Variants in ZNF346 observed in about 807,000 individuals in gnomAD.
ZNF346 encodes zinc finger protein 346, also known as double-stranded RNA-binding zinc finger protein JAZ.
Under a neutral mutation model 33.7 loss-of-function variants are expected in ZNF346, and 23 were observed. That is an observed-to-expected ratio of 0.68 (90% CI 0.49 to 0.97). The LOEUF (loss-of-function observed/expected upper bound fraction) is 0.97, where lower values mean the gene tolerates loss of function less well. Ranked by LOEUF, ZNF346 falls within the 50% of genes least tolerant of loss-of-function variation. The probability of loss-of-function intolerance (pLI) is 0.00; values close to 1 mark genes in which losing one functional copy is unlikely to be tolerated. For missense variants in ZNF346, 340 were observed against 371.1 expected, an observed-to-expected ratio of 0.92 and a Z score of 0.69; for synonymous variants, 134 against 142.4, an observed-to-expected ratio of 0.94 and a Z score of 0.42.
downstream of ZNF346, among the ~76,000 whole-genome samples, chr5:177,070,518 A>G (rs571175457): frequency 6.6e-6 from 1 of 152,300 alleles, no homozygotes; most frequent in African/African-American, 2.4e-5. Flanking sequence ...GCTAAGGTTC[A>G]GATCCCAGCT....
rs1486915539 is a variant in ZNF346, at chr5:177,022,731, C to T, written c.-8C>T. On this transcript the variant is annotated 5_prime_UTR_variant, in exon 1 of 7. Transcript: ENST00000358149. ...GAGGCTCTCTACCGGTGAGGGTTTG[C>T]GGGGAAGATGGAGTATCCCGCGCCG... 3 of 1,546,610 alleles carry T rather than the reference C, an allele frequency of 1.9e-6. No individual in the cohort carries two copies. The highest frequency in any genetic ancestry group is 1.7e-6 in the Non-Finnish European group (2 of 1,151,240).
chr5:177,061,233 T>C (rs2149701043), intron 5 of ZNF346, among the ~76,000 whole-genome samples: 1 of 151,912 alleles, frequency 6.6e-6, no homozygotes, highest in South Asian at 2.1e-4. Context: ...GATCATGAGG[T>C]CAAGAGAGAG....
At chr5:177,023,219 A>G in intron 1 of ZNF346, 1 of 1,536,432 alleles carries the variant, frequency 6.5e-7, no homozygotes, top group Non-Finnish European at 8.7e-7. Flanking sequence ...GGAGACCTAC[A>G]GTCTTTGCCA....
chr5:177,076,099 G>A (rs2149721072), intron 8 of ZNF346, among the ~76,000 whole-genome samples: 1 of 152,360 alleles, frequency 6.6e-6, no homozygotes, highest in East Asian at 1.9e-4. Context: ...ATAGGCGTGA[G>A]CCACTGTGCC....
intron 4 of ZNF346, among the ~76,000 whole-genome samples, chr5:177,047,030 TTTTA>T (rs140329566): frequency 0.37 from 53,974 of 147,602 alleles, 10,273 homozygotes; most frequent in Non-Finnish European, 0.4. Flanking sequence ...TTTTATTTAT[TTTTA>T]TTTATTTATT....
chr5:177,027,261 C>T (rs1776927494), intron 1 of ZNF346, among the ~76,000 whole-genome samples: 1 of 151,988 alleles, frequency 6.6e-6, no homozygotes, highest in Admixed American at 6.6e-5. Context: ...CCATGTTGGT[C>T]AGGCTGGTCT....
At chr5:177,026,055 A>G (rs1432632980) in intron 1 of ZNF346, among the ~76,000 whole-genome samples, 1 of 151,634 alleles carries the variant, frequency 6.6e-6, no homozygotes, top group Non-Finnish European at 1.5e-5. Flanking sequence ...CAGTGGCATG[A>G]TCTCAGCTCA....
intron 1 of ZNF346, among the ~76,000 whole-genome samples, chr5:177,031,253 C>G (rs1316618266): frequency 6.6e-6 from 1 of 152,188 alleles, no homozygotes; most frequent in African/African-American, 2.4e-5. Context: ...AGGCTAGTCT[C>G]AAACTCTCAA....
rs187934243 is a variant in ZNF346 at position 177,037,155 on chromosome 5, C to T, written c.176-3971C>T. Among the ~76,000 whole-genome samples, 7 of 152,266 alleles carry T rather than the reference C, an allele frequency of 4.6e-5. No individual in the cohort carries two copies. The East Asian group carries it at 1.2e-3, about 25-fold the overall frequency. On this transcript the variant is annotated intron_variant, in intron 1 of 6. Coordinates refer to ENST00000358149, the MANE Select transcript of ZNF346 (RefSeq NM_012279.4). ...TATTGTTGCTTCTGCAGGAGATCTC[C>T]TCACTCTGCCTTGGCCAGAAGTTCC...
intron 5 of ZNF346, chr5:177,052,946 A>G (rs541752631): frequency 1.3e-5 from 2 of 152,310 alleles, no homozygotes; most frequent in African/African-American, 4.8e-5. Flanking sequence ...AAGCATGGAA[A>G]TCTTCTGCTG....
chr5:177,071,580 G>A (rs1373349064), downstream of ZNF346, among the ~76,000 whole-genome samples: 3 of 151,452 alleles, frequency 2.0e-5, no homozygotes, highest in African/African-American at 7.3e-5. Flanking sequence ...CAGCTACCGG[G>A]AGGCTGAGGC....
In ZNF346 at chr5:177,049,202, A is replaced by G. The variant is rs74502720; in HGVS notation, c.518-1549A>G. ...ACTTGCTGAAACAAAATCAACAAGC[A>G]GAGAAACTGAAATTCCCTATACTAG... On this transcript the variant is annotated intron_variant, in intron 4 of 6. Transcript: ENST00000358149. Among the ~76,000 whole-genome samples the G allele has an allele frequency of 7.2e-3, 1,096 of 152,330 alleles. 13 individuals are homozygous for G. Among genetic ancestry groups the G allele is most frequent in the African/African-American group, 0.024 (1,010 of 41,580 alleles).
intron 5 of ZNF346, among the ~76,000 whole-genome samples, chr5:177,055,119 T>C (rs890606778): frequency 3.3e-5 from 5 of 150,598 alleles, no homozygotes; most frequent in Non-Finnish European, 7.4e-5. Flanking sequence ...CCGCGACCTC[T>C]GCCTCCTGGG....
Position 177,041,648 on chromosome 5 carries a change from A to G in ZNF346, c.280-130A>G, listed in dbSNP as rs1779350357. On this transcript the variant is annotated intron_variant, in intron 2 of 6. Transcript: ENST00000358149. ...ATGCCTTGCACAGAGCAGGAACTCA[A>G]ACTTCCCTCACCTCCTCCTCAAAAC... 13 of 639,716 alleles carry G rather than the reference A, an allele frequency of 2.0e-5. No individual in the cohort carries two copies. The South Asian group carries it at 2.3e-4, about 11-fold the overall frequency. The allele number at this position is 639,716 out of a possible 1,614,324, so 39.6% of individuals were successfully genotyped here.
chr5:177,063,734 TAA>T (rs1039731643), intron 6 of ZNF346, among the ~76,000 whole-genome samples: 1 of 152,090 alleles, frequency 6.6e-6, no homozygotes, highest in African/African-American at 2.4e-5. Flanking sequence ...CTACAAAAAA[TAA>T]AGTTAGCCAG....
In ZNF346 at chr5:177,048,505, C is replaced by T. The variant is rs144220912; in HGVS notation, c.518-2246C>T. ...GCATGGTGGCGTATGCCTGTAATCC[C>T]ATCTACTTCGGAGACTGAAGCAGGA... On this transcript the variant is annotated intron_variant, in intron 4 of 6. Coordinates refer to ENST00000358149, the MANE Select transcript of ZNF346 (RefSeq NM_012279.4). Among the ~76,000 whole-genome samples, 814 of 152,230 alleles carry T rather than the reference C, an allele frequency of 5.3e-3. 10 individuals carry two copies. The highest frequency in any genetic ancestry group is 0.016 in the African/African-American group (671 of 41,536).
chr5:177,061,949 C>T (rs1301209907), intron 5 of ZNF346, 109 bp from the exon 6 acceptor site: 65 of 910,026 alleles, frequency 7.1e-5, no homozygotes, highest in Non-Finnish European at 1.0e-4. Flanking sequence ...GCAACCTCAC[C>T]TCGCCTCACC....
At chr5:177,045,857 G>A (rs1264000643) in intron 4 of ZNF346, among the ~76,000 whole-genome samples, 1 of 152,070 alleles carries the variant, frequency 6.6e-6, no homozygotes. Flanking sequence ...GCAGAATGTG[G>A]ACTTTGAAGT....
chr5:177,028,496 T>TATATA (rs1554142623), intron 1 of ZNF346, among the ~76,000 whole-genome samples: 1,584 of 90,490 alleles, frequency 0.018, 109 homozygotes, highest in African/African-American at 0.08. Context: ...TTGTGACGTT[T>TATATA]TATATATATA....
Sources: gnomAD v4.1 joint callset for allele counts (sites outside exome capture counted in the v4.1 genomes callset) on GRCh38, gnomAD v4.1.1 for gene constraint, MANE v1.5 for transcripts, NCBI Gene and HGNC (gene_info 2026-07-23, HGNC 2026-07-21) for gene names.